TRAPPC2L: variants seen among roughly 807,000 people sequenced by gnomAD.
TRAPPC2L encodes the protein trafficking protein particle complex subunit 2-like protein.
A neutral mutation model predicts 13.2 loss-of-function variants in TRAPPC2L; 17 were observed. The observed-to-expected ratio is 1.29, with a 90% CI of 0.88 to 1.93. TRAPPC2L has a LOEUF of 1.93. Among genes scored for constraint, TRAPPC2L ranks in the 30% most tolerant of loss-of-function variants. The probability of loss-of-function intolerance (pLI) is 0.00; values close to 1 mark genes in which losing one functional copy is unlikely to be tolerated. For missense variants in TRAPPC2L, 359 were observed against 252.1 expected (o/e 1.42, Z -2.87); for synonymous variants, 150 against 98.1 (o/e 1.53, Z -3.12).
chr16:88,862,436 C>T (rs1968449421), exon 4 of TRAPPC2L: 1 of 152,400 alleles, frequency 6.6e-6, no homozygotes, highest in Non-Finnish European at 1.5e-5. Context: ...GGACCCTTCC[C>T]CTTTGCCTTC....
chr16:88,859,123 G>A, intron 2 of TRAPPC2L: 1 of 449,348 alleles, frequency 2.2e-6, no homozygotes, highest in Non-Finnish European at 4.1e-6. Flanking sequence ...TTGAGCAGGG[G>A]ATAATAGTTT....
intron 2 of TRAPPC2L, chr16:88,859,045 A>C (rs771193901): frequency 3.4e-5 from 18 of 530,958 alleles, no homozygotes; most frequent in Non-Finnish European, 5.4e-5. Context: ...TTTGCAGAGG[A>C]AGTGGGACAC....
intron 1 of TRAPPC2L, 47 bp from the exon 2 acceptor site, chr16:88,858,572 G>A (rs769678174): frequency 1.9e-6 from 3 of 1,593,770 alleles, no homozygotes; most frequent in South Asian, 1.1e-5. Context: ...GCTGGTGTGC[G>A]CTGGGTGGAG....
upstream of TRAPPC2L, chr16:88,856,627 C>G (rs1326527031): frequency 6.3e-5 from 35 of 552,318 alleles, no homozygotes; most frequent in Non-Finnish European, 1.1e-4. Flanking sequence ...GGCCTCCCCC[C>G]TTCCCCAAGG....
exon 4 of TRAPPC2L, chr16:88,860,475 T>C (rs1045730776): frequency 1.7e-6 from 1 of 603,228 alleles, no homozygotes. Flanking sequence ...GAGTCCCCAG[T>C]TCCAAGACAT....
rs776156118 is a variant in TRAPPC2L, at chr16:88,860,102, T to G, written c.504T>G (p.Pro168=). ...TTTTAAGCTATGAGCACCATCCCCC[T>G]AGGGCAGAGGTTTTAAAGCCACAAA... Residue 168 remains proline, a synonymous_variant, in exon 4 of 4, where the codon CCT becomes CCG. Coordinates refer to ENST00000565504, the Ensembl canonical transcript of TRAPPC2L. The G allele has an allele frequency of 3.4e-6, 3 of 881,088 alleles. No homozygotes were observed. In the Admixed American group the frequency reaches 5.9e-5, roughly 17 times the overall value. The allele number at this position is 881,088 out of a possible 1,614,324, so 54.6% of individuals were successfully genotyped here.
exon 4 of TRAPPC2L, chr16:88,860,527 C>G: frequency 1.7e-6 from 1 of 594,774 alleles, no homozygotes; most frequent in Non-Finnish European, 3.0e-6. Flanking sequence ...TGCAGTGATC[C>G]AAGGCAGGCC....
chr16:88,862,136 G>A (rs1968429498), exon 4 of TRAPPC2L: 1 of 154,844 alleles, frequency 6.5e-6, no homozygotes, highest in Non-Finnish European at 1.4e-5. Context: ...CCCAGCCCAA[G>A]CACTTCCCCA....
upstream of TRAPPC2L, chr16:88,856,221 C>CTCCA (rs1200426682): frequency 2.8e-6 from 2 of 703,042 alleles, no homozygotes; most frequent in Non-Finnish European, 5.2e-6. Flanking sequence ...GCTCAGCATT[C>CTCCA]TCCAGAGGAC....
chr16:88,861,995 G>A (rs1968422595), exon 4 of TRAPPC2L: 2 of 205,422 alleles, frequency 9.7e-6, no homozygotes. Flanking sequence ...CCCCGCCCCA[G>A]GGTGAATTGG....
exon 2 of TRAPPC2L, chr16:88,858,623 A>T: frequency 6.2e-7 from 1 of 1,612,330 alleles, no homozygotes; most frequent in South Asian, 1.1e-5. Flanking sequence ...TTGCAGAATT[A>T]CCCCCTCTAC....
chr16:88,859,837 A>G, intron 3 of TRAPPC2L, 56 bp from the exon 4 acceptor site: 2 of 1,583,554 alleles, frequency 1.3e-6, no homozygotes, highest in South Asian at 1.2e-5. Context: ...GAAACTAAAA[A>G]TCTGGCAGTG....
exon 4 of TRAPPC2L, chr16:88,860,245 C>T (rs1212380581): frequency 1.4e-6 from 1 of 702,410 alleles, no homozygotes; most frequent in East Asian, 2.7e-5. Context: ...CCAGTGGGTA[C>T]CTGGGGCACC....
upstream of TRAPPC2L, chr16:88,856,774 A>G: frequency 1.3e-6 from 2 of 1,539,442 alleles, no homozygotes; most frequent in Non-Finnish European, 1.7e-6. Flanking sequence ...CATGAGCAGG[A>G]GCAGGATGTT....
chr16:88,857,011 G>A (rs1180374254), upstream of TRAPPC2L: 1 of 1,390,720 alleles, frequency 7.2e-7, no homozygotes, highest in Non-Finnish European at 9.2e-7. Context: ...TCCGCGGAGG[G>A]ACGGGAGGCG....
chr16:88,860,180 T>C (rs576006024), exon 4 of TRAPPC2L: 17 of 711,072 alleles, frequency 2.4e-5, no homozygotes, highest in Non-Finnish European at 2.5e-6. Flanking sequence ...ATAAAGTGGA[T>C]AGAGTGTGTG....
chr16:88,858,330 G>C (rs558103616), intron 1 of TRAPPC2L, among the ~76,000 whole-genome samples: 2 of 152,164 alleles, frequency 1.3e-5, no homozygotes, highest in Non-Finnish European at 2.9e-5. Context: ...GCGTGCCCAG[G>C]TGCCAGGCTT....
exon 4 of TRAPPC2L, chr16:88,860,330 T>G: frequency 1.5e-6 from 1 of 685,590 alleles, no homozygotes; most frequent in Non-Finnish European, 2.7e-6. Flanking sequence ...CCTGATCTTT[T>G]ATGTTGAATT....
chr16:88,856,926 G>A (rs761795179), upstream of TRAPPC2L: 9 of 1,479,772 alleles, frequency 6.1e-6, no homozygotes, highest in South Asian at 1.3e-5. Flanking sequence ...GACCTAGCGA[G>A]CGTCCGCCGG....
Sources: gnomAD v4.1 joint callset for allele counts (sites outside exome capture counted in the v4.1 genomes callset) on GRCh38, gnomAD v4.1.1 for gene constraint, MANE v1.5 for transcripts, NCBI Gene and HGNC (gene_info 2026-07-23, HGNC 2026-07-21) for gene names.